TBC1D1: variants seen among roughly 807,000 people sequenced by gnomAD.
TBC1D1 encodes the protein TBC1 domain family member 1, also known as TBC1 (tre-2/USP6, BUB2, cdc16) domain family, member 1.
Under a neutral mutation model 125.6 loss-of-function variants are expected in TBC1D1, and 89 were observed. The ratio of observed to expected loss-of-function variants is 0.71; its 90% CI spans 0.60 to 0.85. TBC1D1 has a LOEUF of 0.85. TBC1D1 is among the 40% of genes least tolerant of loss of function. The pLI, the probability that TBC1D1 is intolerant of heterozygous loss-of-function variation, is 0.00. For missense variants in TBC1D1, 1,377 were observed against 1,469.2 expected (o/e 0.94, Z 1.03); for synonymous variants, 565 against 564.1 (o/e 1.00, Z -0.02).
intron 2 of TBC1D1, among the ~76,000 whole-genome samples, chr4:37,988,212 A>G (rs1182756085): frequency 6.6e-6 from 1 of 152,226 alleles, no homozygotes; most frequent in Non-Finnish European, 1.5e-5. Flanking sequence ...GGCAAGTTAC[A>G]CTTGCCTGGG....
chr4:38,087,303 T>C (rs1352011104), intron 12 of TBC1D1, among the ~76,000 whole-genome samples: 2 of 152,226 alleles, frequency 1.3e-5, no homozygotes, highest in African/African-American at 4.8e-5. Context: ...CTATAGACAG[T>C]GGTCCTTGTC....
chr4:37,961,507 T>C (rs1730053040), intron 2 of TBC1D1, among the ~76,000 whole-genome samples: 1 of 152,276 alleles, frequency 6.6e-6, no homozygotes, highest in Non-Finnish European at 1.5e-5. Context: ...CGTATCTTAT[T>C]CTGCTAATGT....
In TBC1D1 at chr4:38,113,633, G is replaced by A. The variant is rs576177378; in HGVS notation, c.2558-2077G>A. On this transcript the variant is annotated intron_variant, in intron 15 of 19. Coordinates refer to ENST00000261439, the MANE Select transcript of TBC1D1 (RefSeq NM_015173.4). ...GGAGCATCAGCAGAAATGCAGAAGT[G>A]GGGAAGTGCTCCATCTTCTTGGAAG... Among the ~76,000 whole-genome samples, 4 of 152,346 alleles carry A rather than the reference G, an allele frequency of 2.6e-5. No homozygotes were observed. In the South Asian group the frequency reaches 8.3e-4, roughly 32 times the overall value.
At chr4:38,135,930 G>A (rs1408883273) in intron 19 of TBC1D1, among the ~76,000 whole-genome samples, 1 of 146,030 alleles carries the variant, frequency 6.8e-6, no homozygotes, top group Non-Finnish European at 1.5e-5. Flanking sequence ...GTATATGTGT[G>A]TGTGTGTGTG....
chr4:38,128,852 T>C (rs1027794440), intron 18 of TBC1D1, among the ~76,000 whole-genome samples: 2 of 152,174 alleles, frequency 1.3e-5, no homozygotes, highest in Non-Finnish European at 2.9e-5. Context: ...TGGGAATAAT[T>C]AGTAACAAAG....
At chr4:37,909,512 G>A (rs895848321) in intron 2 of TBC1D1, among the ~76,000 whole-genome samples, 11 of 152,164 alleles carry the variant, frequency 7.2e-5, no homozygotes, top group Admixed American at 3.3e-4. Flanking sequence ...TTGCTTGGCT[G>A]TTATATTTGC....
At position 37,977,602 on chromosome 4, in the gene TBC1D1, C is replaced by A; in HGVS notation, c.418-36907C>A. ...GCGGGGCTGGAACATTTGTAACCTT[C>A]GGGCCGGGGCTGGGCCGGGCCGCTG... On this transcript the variant is annotated intron_variant, in intron 2 of 19. Coordinates refer to ENST00000261439, the MANE Select transcript of TBC1D1 (RefSeq NM_015173.4). The surrounding 1 kb of genome is among the most constrained non-coding windows in gnomAD (Gnocchi z 4.3). The A allele has an allele frequency of 4.5e-6, 2 of 447,184 alleles. No individual in the cohort carries two copies. Among genetic ancestry groups the A allele is most frequent in the Non-Finnish European group, 3.0e-6 (1 of 330,456 alleles). The allele number at this position is 447,184 out of a possible 1,614,324, so 27.7% of individuals were successfully genotyped here. A position where few individuals can be genotyped will look rare whatever the true frequency, so the allele number is the denominator to read the frequency against.
At chr4:37,899,104 C>T (rs17578878) in intron 1 of TBC1D1, among the ~76,000 whole-genome samples, 12,406 of 152,054 alleles carry the variant, frequency 0.082, 622 homozygotes, top group East Asian at 0.22. Context: ...AGGAAATATG[C>T]GATGGGTGGA....
intron 9 of TBC1D1, 144 bp downstream of exon 9, chr4:38,044,634 G>A (rs1173333039): frequency 1.2e-6 from 1 of 821,560 alleles, no homozygotes; most frequent in Non-Finnish European, 1.8e-6. Context: ...GCTTATAACA[G>A]TATTATCTAC....
intron 2 of TBC1D1, among the ~76,000 whole-genome samples, chr4:37,923,115 C>A (rs371124700): frequency 9.9e-4 from 151 of 152,266 alleles, no homozygotes; most frequent in African/African-American, 3.4e-3. Context: ...TAGCCCCCCA[C>A]CCCTTGACAG....
At chr4:38,131,022 G>A (rs1018452175) in intron 18 of TBC1D1, among the ~76,000 whole-genome samples, 2 of 152,136 alleles carry the variant, frequency 1.3e-5, no homozygotes, top group African/African-American at 4.8e-5. Flanking sequence ...TTGACCACCA[G>A]CCTCATATTG....
intron 12 of TBC1D1, among the ~76,000 whole-genome samples, chr4:38,072,796 A>AC (rs1443155179): frequency 2.6e-5 from 4 of 152,212 alleles, no homozygotes; most frequent in African/African-American, 9.6e-5. Flanking sequence ...GCCCCTGGCA[A>AC]CCACCATTCT....
At chr4:38,082,155 C>T (rs1249979116) in intron 12 of TBC1D1, among the ~76,000 whole-genome samples, 9 of 152,302 alleles carry the variant, frequency 5.9e-5, no homozygotes, top group South Asian at 4.1e-4. Flanking sequence ...TCCCTTTCAG[C>T]TCCATGTTCC....
chr4:37,918,422 TG>T (rs1720168737), intron 2 of TBC1D1, among the ~76,000 whole-genome samples: 9 of 152,078 alleles, frequency 5.9e-5, no homozygotes, highest in Non-Finnish European at 1.2e-4. Context: ...CAAACAAATG[TG>T]ATCACGGTGT....
chr4:38,056,423 C>A (rs956715665), intron 12 of TBC1D1, among the ~76,000 whole-genome samples: 4 of 152,228 alleles, frequency 2.6e-5, no homozygotes, highest in African/African-American at 9.6e-5. Flanking sequence ...GATTGATCTT[C>A]ATAATCTGTT....
At chr4:38,090,481 G>T (rs1337031046) in intron 13 of TBC1D1, among the ~76,000 whole-genome samples, 6 of 152,108 alleles carry the variant, frequency 3.9e-5, no homozygotes, top group Non-Finnish European at 8.8e-5. Flanking sequence ...GTCTGTGCCT[G>T]TGTGTTAGGT....
chr4:37,914,773 C>T (rs1304840721), intron 2 of TBC1D1, among the ~76,000 whole-genome samples: 1 of 152,216 alleles, frequency 6.6e-6, no homozygotes, highest in Non-Finnish European at 1.5e-5. Flanking sequence ...GTTTATATTG[C>T]TCAAACATGA....
chr4:38,051,699 ACT>A (rs966055639), intron 11 of TBC1D1, among the ~76,000 whole-genome samples, 198 bp from the exon 12 acceptor site: 18 of 152,060 alleles, frequency 1.2e-4, no homozygotes, highest in African/African-American at 4.3e-4. Context: ...CCGTCAATAT[ACT>A]CTGTTTTTCA....
At chr4:37,955,268 G>A (rs563990254) in intron 2 of TBC1D1, among the ~76,000 whole-genome samples, 42 of 152,120 alleles carry the variant, frequency 2.8e-4, no homozygotes, top group South Asian at 1.2e-3. Context: ...CAAAGGTAGC[G>A]CAGACTTAAT....
Sources: allele counts gnomAD v4.1 joint callset (sites outside exome capture counted in the v4.1 genomes callset), GRCh38; gene constraint gnomAD v4.1.1; non-coding constraint Gnocchi (gnomAD v3.1); transcripts MANE v1.5; gene names NCBI Gene and HGNC (gene_info 2026-07-23, HGNC 2026-07-21).